Variants in PCDH7 observed in about 807,000 individuals in gnomAD.
PCDH7 encodes protocadherin-7.
PCDH7 carries 17 observed loss-of-function variants against 58.9 expected under a neutral mutation model. The ratio of observed to expected loss-of-function variants is 0.29; its 90% CI spans 0.20 to 0.43. PCDH7 has a LOEUF of 0.43. Among genes scored for constraint, PCDH7 ranks in the 20% least tolerant of loss-of-function variants. The probability of loss-of-function intolerance (pLI) is 1.00; values close to 1 mark genes in which losing one functional copy is unlikely to be tolerated. For missense variants in PCDH7, 1,274 were observed against 1,441.0 expected (o/e 0.88, Z 1.88); for synonymous variants, 664 against 616.4 (o/e 1.08, Z -1.14).
intron 3 of PCDH7, among the ~76,000 whole-genome samples, chr4:31,075,319 A>T (rs1003617945): frequency 2.0e-5 from 3 of 152,112 alleles, no homozygotes; most frequent in Non-Finnish European, 4.4e-5. Flanking sequence ...ACCATGGGAG[A>T]AACAACCAGA....
At chr4:31,112,457 T>A (rs1716444693) in intron 3 of PCDH7, among the ~76,000 whole-genome samples, 1 of 152,184 alleles carries the variant, frequency 6.6e-6, no homozygotes, top group African/African-American at 2.4e-5. Context: ...TAATAATTAC[T>A]ACTAAAAACC....
chr4:30,852,876 A>C (rs1317093012), intron 1 of PCDH7, among the ~76,000 whole-genome samples: 1 of 147,680 alleles, frequency 6.8e-6, no homozygotes, highest in East Asian at 2.0e-4. Flanking sequence ...TGAGAATTTG[A>C]TTCGGCTTCA....
chr4:30,987,080 C>T (rs943903336), intron 3 of PCDH7, among the ~76,000 whole-genome samples: 3 of 152,098 alleles, frequency 2.0e-5, no homozygotes, highest in Non-Finnish European at 2.9e-5. Flanking sequence ...ATTCATAGAT[C>T]ATAAATTAGA....
chr4:31,085,892 A>G (rs1712367292), intron 3 of PCDH7, among the ~76,000 whole-genome samples: 1 of 150,608 alleles, frequency 6.6e-6, no homozygotes. Flanking sequence ...TCACCAGGAA[A>G]TCTCAGGCTT....
intron 2 of PCDH7, among the ~76,000 whole-genome samples, chr4:30,943,163 A>G (rs1010878574): frequency 6.6e-6 from 1 of 151,922 alleles, no homozygotes; most frequent in East Asian, 1.9e-4. Flanking sequence ...CTCCATATCA[A>G]TTCTGCTTCA....
intron 1 of PCDH7, among the ~76,000 whole-genome samples, chr4:30,894,789 T>G (rs1017369249): frequency 6.6e-6 from 1 of 150,666 alleles, no homozygotes; most frequent in Non-Finnish European, 1.5e-5. Flanking sequence ...TGATTTTACG[T>G]TGTGGCTTTG....
intron 1 of PCDH7, among the ~76,000 whole-genome samples, chr4:30,849,677 T>A (rs900602467): frequency 1.3e-5 from 2 of 152,142 alleles, no homozygotes; most frequent in Non-Finnish European, 2.9e-5. Flanking sequence ...TTCTGAGAGA[T>A]CTATTCACTA....
intron 3 of PCDH7, among the ~76,000 whole-genome samples, chr4:31,017,643 G>A (rs1578571697): frequency 1.3e-5 from 2 of 151,788 alleles, no homozygotes; most frequent in Admixed American, 1.3e-4. Context: ...CCACCAAAAA[G>A]CAACAATAAT....
At chr4:30,902,890 C>T (rs1740417827) in intron 1 of PCDH7, among the ~76,000 whole-genome samples, 1 of 152,112 alleles carries the variant, frequency 6.6e-6, no homozygotes, top group African/African-American at 2.4e-5. Context: ...TATCCCTTTT[C>T]TACAAGCTTA....
chr4:30,966,270 A>G (rs533304599), intron 3 of PCDH7, among the ~76,000 whole-genome samples: 2 of 152,298 alleles, frequency 1.3e-5, no homozygotes, highest in East Asian at 3.9e-4. Context: ...TAACTCAGTC[A>G]TTTCAACTTT....
rs1553887246 is a variant in PCDH7, at chr4:30,789,603, G to GA, written c.70+65007_70+65008insA. 2.6e-5 allele frequency among the ~76,000 whole-genome samples: 4 copies of GA among 151,082 alleles called. No individual in the cohort carries two copies. The East Asian group carries it at 7.8e-4, about 29-fold the overall frequency. ...AGCAAAATGAAAGCATGTATAGAGG[G>GA]TTTTTTTTTCCTTCTCTGAAGCATG... On this transcript the variant is annotated intron_variant, in intron 1 of 3. Transcript: ENST00000509759.
chr4:31,049,484 G>GAAA (rs1756573158), intron 3 of PCDH7, among the ~76,000 whole-genome samples: 2 of 152,070 alleles, frequency 1.3e-5, no homozygotes, highest in South Asian at 4.1e-4. Context: ...CAAGAAATAA[G>GAAA]CTACATTTCT....
At chr4:30,899,431 G>A (rs990427525) in intron 1 of PCDH7, among the ~76,000 whole-genome samples, 1 of 152,092 alleles carries the variant, frequency 6.6e-6, no homozygotes, top group African/African-American at 2.4e-5. Flanking sequence ...CTAGGTCCCA[G>A]CTCCTTAAAG....
rs180695360 is a variant in PCDH7, at chr4:30,917,411, C to T, written c.71-2742C>T. On this transcript the variant is annotated intron_variant, in intron 1 of 3. Transcript: ENST00000509759. ...AGAGCTAGTGATATAATGCTGATAC[C>T]ATACTATAGCATTCTAATTAAAATA... 3.9e-5 allele frequency among the ~76,000 whole-genome samples: 6 copies of T among 152,048 alleles called. No individual in the cohort carries two copies. In the East Asian group the frequency reaches 1.2e-3, roughly 29 times the overall value.
At chr4:30,801,446 A>G (rs1725510525) in intron 1 of PCDH7, among the ~76,000 whole-genome samples, 1 of 152,124 alleles carries the variant, frequency 6.6e-6, no homozygotes, top group African/African-American at 2.4e-5. Context: ...TAAACTTAGA[A>G]TCAGGGGAAA....
chr4:31,115,813 T>C (rs1186439397), intron 3 of PCDH7, among the ~76,000 whole-genome samples: 1 of 152,148 alleles, frequency 6.6e-6, no homozygotes, highest in Non-Finnish European at 1.5e-5. Flanking sequence ...AAATATACAT[T>C]TTGCCAGCTC....
chr4:31,106,327 A>G (rs1197926766), intron 3 of PCDH7, among the ~76,000 whole-genome samples: 1 of 152,130 alleles, frequency 6.6e-6, no homozygotes, highest in Non-Finnish European at 1.5e-5. Flanking sequence ...TTGTGCAAAA[A>G]TTTCCTGACA....
chr4:30,762,617 A>G (rs1720172923), intron 1 of PCDH7, among the ~76,000 whole-genome samples: 1 of 152,220 alleles, frequency 6.6e-6, no homozygotes, highest in African/African-American at 2.4e-5. Flanking sequence ...AAATTAAAAT[A>G]GTTTACCCCT....
At chr4:31,091,563 A>G (rs1002064466) in intron 3 of PCDH7, among the ~76,000 whole-genome samples, 1 of 151,880 alleles carries the variant, frequency 6.6e-6, no homozygotes, top group African/African-American at 2.4e-5. Flanking sequence ...TTATTAATCA[A>G]TAATTGGTTT....
Sources: gnomAD v4.1 joint callset for allele counts (sites outside exome capture counted in the v4.1 genomes callset) on GRCh38, gnomAD v4.1.1 for gene constraint, MANE v1.5 for transcripts, NCBI Gene and HGNC (gene_info 2026-07-23, HGNC 2026-07-21) for gene names.